Variants in CNTNAP2 observed in about 807,000 individuals in gnomAD.
CNTNAP2 encodes contactin-associated protein-like 2.
A neutral mutation model predicts 155.2 loss-of-function variants in CNTNAP2; 98 were observed. The observed-to-expected ratio is 0.63, with a 90% CI of 0.54 to 0.75. CNTNAP2 has a LOEUF of 0.75. CNTNAP2 is among the 30% of genes least tolerant of loss of function. CNTNAP2 has a pLI of 0.00. For missense variants in CNTNAP2, 1,727 were observed against 1,688.1 expected (o/e 1.02, Z -0.40); for synonymous variants, 651 against 631.2 (o/e 1.03, Z -0.47).
At chr7:146,791,069 C>A (rs983969388) in intron 2 of CNTNAP2, among the ~76,000 whole-genome samples, 4 of 151,998 alleles carry the variant, frequency 2.6e-5, no homozygotes, top group Non-Finnish European at 5.9e-5. Flanking sequence ...ATCCATCCCC[C>A]AGCCCCTACC....
chr7:147,504,778 C>T (rs774447316), intron 11 of CNTNAP2, among the ~76,000 whole-genome samples: 8 of 149,068 alleles, frequency 5.4e-5, no homozygotes, highest in Admixed American at 2.7e-4. Context: ...TAAATTATAT[C>T]GAGATTGTAT....
intron 1 of CNTNAP2, among the ~76,000 whole-genome samples, chr7:146,224,093 T>C (rs1799811305): frequency 6.6e-6 from 1 of 152,208 alleles, no homozygotes; most frequent in Non-Finnish European, 1.5e-5. Flanking sequence ...CTCCACTTTT[T>C]TCTGTAAATG....
chr7:147,829,111 C>T (rs888432105), intron 13 of CNTNAP2, among the ~76,000 whole-genome samples: 1 of 152,128 alleles, frequency 6.6e-6, no homozygotes, highest in Non-Finnish European at 1.5e-5. Context: ...ACTCTTTATG[C>T]TGAATTTTTC....
At chr7:147,313,165 C>T (rs539358542) in intron 9 of CNTNAP2, among the ~76,000 whole-genome samples, 1 of 150,914 alleles carries the variant, frequency 6.6e-6, no homozygotes, top group African/African-American at 2.4e-5. Context: ...GATTTTAGCC[C>T]TTTGTCAGAT....
At chr7:146,153,608 T>C (rs376928928) in intron 1 of CNTNAP2, among the ~76,000 whole-genome samples, 61 of 152,272 alleles carry the variant, frequency 4.0e-4, no homozygotes, top group African/African-American at 1.3e-3. Context: ...GCCTCTGATT[T>C]GCTCTATCTC....
chr7:146,499,413 C>G (rs1420464846), intron 1 of CNTNAP2, among the ~76,000 whole-genome samples: 1 of 152,110 alleles, frequency 6.6e-6, no homozygotes, highest in Non-Finnish European at 1.5e-5. Context: ...TTCCACTAAT[C>G]TATAAACCAA....
chr7:147,543,491 T>C (rs545285060), intron 11 of CNTNAP2, among the ~76,000 whole-genome samples: 4 of 152,348 alleles, frequency 2.6e-5, no homozygotes, highest in African/African-American at 9.6e-5. Flanking sequence ...ACACCTACCT[T>C]ATACTATTTC....
chr7:147,215,553 G>T (rs1584797465), intron 8 of CNTNAP2, among the ~76,000 whole-genome samples: 1 of 151,950 alleles, frequency 6.6e-6, no homozygotes, highest in East Asian at 1.9e-4. Context: ...CTATTTTCTG[G>T]TCTGTTTGTA....
intron 17 of CNTNAP2, among the ~76,000 whole-genome samples, chr7:148,148,718 G>A (rs1453395858): frequency 2.0e-5 from 3 of 152,226 alleles, no homozygotes; most frequent in Admixed American, 1.3e-4. Flanking sequence ...AGCTTGAAGA[G>A]CGGTAGAATG....
At chr7:147,342,186 A>G (rs979872853) in intron 9 of CNTNAP2, among the ~76,000 whole-genome samples, 4 of 152,158 alleles carry the variant, frequency 2.6e-5, no homozygotes. Flanking sequence ...TCCCATCTCC[A>G]AATCCCATCA....
chr7:146,862,609 A>T (rs553594404), intron 3 of CNTNAP2, among the ~76,000 whole-genome samples: 5 of 152,320 alleles, frequency 3.3e-5, no homozygotes, highest in Admixed American at 3.3e-4. Context: ...GAAAGGCATA[A>T]TGTTACTTGG....
At chr7:148,253,585 G>T (rs540444206) in intron 20 of CNTNAP2, among the ~76,000 whole-genome samples, 7 of 152,304 alleles carry the variant, frequency 4.6e-5, no homozygotes, top group Admixed American at 2.6e-4. Context: ...CCACATGGAA[G>T]CCCTTGCATA....
At chr7:147,107,496 C>A (rs1800790292) in intron 4 of CNTNAP2, among the ~76,000 whole-genome samples, 1 of 151,938 alleles carries the variant, frequency 6.6e-6, no homozygotes, top group African/African-American at 2.4e-5. Flanking sequence ...AGTGAAAAAA[C>A]AAACAATGGT....
chr7:146,714,543 T>C (rs1801154248), intron 1 of CNTNAP2, among the ~76,000 whole-genome samples: 1 of 152,220 alleles, frequency 6.6e-6, no homozygotes, highest in African/African-American at 2.4e-5. Flanking sequence ...AACCTATTTA[T>C]AATTATTGTG....
At chr7:148,104,929 G>T (rs1804176781) in intron 15 of CNTNAP2, among the ~76,000 whole-genome samples, 2 of 152,094 alleles carry the variant, frequency 1.3e-5, no homozygotes, top group Admixed American at 1.3e-4. Flanking sequence ...GTCAAGCAAT[G>T]ATAATAACTG....
chr7:147,140,790 G>T (rs898094153), intron 8 of CNTNAP2, among the ~76,000 whole-genome samples: 1 of 152,036 alleles, frequency 6.6e-6, no homozygotes, highest in African/African-American at 2.4e-5. Flanking sequence ...TAATTTTATG[G>T]GCAGGGGCCA....
At chr7:146,170,340 T>C (rs1216300641) in intron 1 of CNTNAP2, among the ~76,000 whole-genome samples, 1 of 152,140 alleles carries the variant, frequency 6.6e-6, no homozygotes, top group Non-Finnish European at 1.5e-5. Flanking sequence ...AGTTCTAGAT[T>C]TCTGATGAAA....
chr7:146,827,034 A>G (rs1042691320), intron 2 of CNTNAP2, among the ~76,000 whole-genome samples: 1 of 151,838 alleles, frequency 6.6e-6, no homozygotes, highest in Non-Finnish European at 1.5e-5. Context: ...TTACAATTCA[A>G]TTTGCCTTAC....
intron 1 of CNTNAP2, among the ~76,000 whole-genome samples, chr7:146,252,831 G>A (rs1446307464): frequency 6.6e-6 from 1 of 152,080 alleles, no homozygotes; most frequent in Non-Finnish European, 1.5e-5. Context: ...CCACAGATAT[G>A]ATCCAGTTAA....
Sources: gnomAD v4.1 joint callset for allele counts (sites outside exome capture counted in the v4.1 genomes callset) on GRCh38, gnomAD v4.1.1 for gene constraint, MANE v1.5 for transcripts, NCBI Gene and HGNC (gene_info 2026-07-23, HGNC 2026-07-21) for gene names.